PTGER3: variants seen among roughly 807,000 people sequenced by gnomAD.
PTGER3 encodes the protein prostaglandin E2 receptor EP3 subtype.
A neutral mutation model predicts 34.7 loss-of-function variants in PTGER3; 22 were observed. The observed-to-expected ratio is 0.63, with a 90% CI of 0.45 to 0.91. The LOEUF is 0.91. Among genes scored for constraint, PTGER3 ranks in the 40% least tolerant of loss-of-function variants. The pLI is 0.00. For missense variants in PTGER3, 468 were observed against 519.4 expected (o/e 0.90, Z 0.96); for synonymous variants, 241 against 230.1 (o/e 1.05, Z -0.43).
intron 2 of PTGER3, among the ~76,000 whole-genome samples, chr1:70,953,966 A>G (rs894806172): frequency 1.4e-4 from 21 of 152,102 alleles, no homozygotes; most frequent in Non-Finnish European, 1.0e-4. Context: ...ATCTGAAGAG[A>G]CTACAGAAAT....
chr1:71,001,995 C>T (rs573598145), intron 2 of PTGER3, among the ~76,000 whole-genome samples: 1 of 152,288 alleles, frequency 6.6e-6, no homozygotes, highest in African/African-American at 2.4e-5. Context: ...AAGCCTCATA[C>T]CTGTAATCCC....
chr1:70,975,019 A>G (rs1159781571), intron 2 of PTGER3, among the ~76,000 whole-genome samples: 1 of 152,144 alleles, frequency 6.6e-6, no homozygotes, highest in Non-Finnish European at 1.5e-5. Flanking sequence ...ACTTTCTTGG[A>G]GAACATCCTG....
intron 4 of PTGER3, among the ~76,000 whole-genome samples, chr1:70,886,975 C>T (rs1646511811): frequency 6.6e-6 from 1 of 152,118 alleles, no homozygotes; most frequent in Non-Finnish European, 1.5e-5. Context: ...TAAGTTGCAA[C>T]ATAGGGGATG....
intron 2 of PTGER3, chr1:71,010,112 G>A: frequency 4.1e-6 from 4 of 985,046 alleles, no homozygotes; most frequent in Non-Finnish European, 4.8e-6. Flanking sequence ...TTAATTTGCA[G>A]TTAAGAATAA....
At chr1:71,017,777 G>A (rs1658041695) in intron 1 of PTGER3, among the ~76,000 whole-genome samples, 1 of 152,056 alleles carries the variant, frequency 6.6e-6, no homozygotes. Context: ...AGCAGAACCT[G>A]TGCTTTTGAG....
rs539183975 is a variant in PTGER3, at chr1:70,871,322, C to G, written c.*24-18463G>C. On this transcript the variant is annotated intron_variant, in intron 4 of 4. Transcript: ENST00000370931. ...GATCTCATGAGAACTTGCTCACCAT[C>G]ATGAGGACACCACCAAGCCATGATG... 1.1e-3 allele frequency among the ~76,000 whole-genome samples: 168 copies of G among 152,266 alleles called. 1 individual carries two copies. The Middle Eastern group carries it at 0.024, about 22-fold the overall frequency.
At chr1:70,974,101 A>G (rs571045000) in intron 3 of PTGER3, among the ~76,000 whole-genome samples, 196 bp downstream of exon 3, 1 of 152,196 alleles carries the variant, frequency 6.6e-6, no homozygotes, top group East Asian at 1.9e-4. Context: ...GTTTCAAAAA[A>G]CTCTTGGTTG....
At chr1:70,866,234 G>C (rs921964007) in intron 4 of PTGER3, among the ~76,000 whole-genome samples, 6 of 152,178 alleles carry the variant, frequency 3.9e-5, no homozygotes, top group Non-Finnish European at 8.8e-5. Flanking sequence ...AGGAAACATT[G>C]AGTATCATTA....
intron 4 of PTGER3, among the ~76,000 whole-genome samples, chr1:70,872,184 T>G (rs1646177191): frequency 6.6e-6 from 1 of 152,242 alleles, no homozygotes; most frequent in South Asian, 2.1e-4. Context: ...TTGATCTGAA[T>G]GGGCACGGGC....
chr1:70,934,475 C>A (rs1339385719), intron 4 of PTGER3, among the ~76,000 whole-genome samples: 2 of 152,186 alleles, frequency 1.3e-5, no homozygotes, highest in Non-Finnish European at 2.9e-5. Context: ...TTATTTTAAT[C>A]TTCTATATCC....
At chr1:70,926,369 A>G (rs1019465510) in intron 4 of PTGER3, among the ~76,000 whole-genome samples, 2 of 152,126 alleles carry the variant, frequency 1.3e-5, no homozygotes, top group African/African-American at 4.8e-5. Context: ...GCAGTGGTTT[A>G]TAGTTCTCCT....
exon 4 of PTGER3, chr1:70,952,952 G>T (rs758250767): frequency 1.2e-6 from 2 of 1,613,026 alleles, no homozygotes; most frequent in South Asian, 1.1e-5. Context: ...CATTAATGCT[G>T]CTCACGAGTA....
intron 4 of PTGER3, among the ~76,000 whole-genome samples, chr1:70,882,851 C>G (rs957039344): frequency 3.3e-5 from 5 of 152,190 alleles, no homozygotes; most frequent in Non-Finnish European, 7.3e-5. Context: ...CTCTGTGTCC[C>G]CTGCTGCCTT....
At chr1:70,985,509 CTG>C (rs1228160473) in intron 2 of PTGER3, among the ~76,000 whole-genome samples, 1 of 152,136 alleles carries the variant, frequency 6.6e-6, no homozygotes, top group African/African-American at 2.4e-5. Flanking sequence ...AACTGACAAA[CTG>C]TGTATGCCAC....
intron 4 of PTGER3, among the ~76,000 whole-genome samples, chr1:70,910,818 C>G (rs1647043526): frequency 6.6e-6 from 1 of 152,176 alleles, no homozygotes; most frequent in African/African-American, 2.4e-5. Context: ...GGCCATGGCT[C>G]ACGCCTGTAA....
downstream of PTGER3, among the ~76,000 whole-genome samples, chr1:70,966,361 C>A (rs373763151): frequency 1.2e-3 from 177 of 152,004 alleles, 1 homozygote; most frequent in African/African-American, 4.2e-3. Flanking sequence ...CTCATGTAAC[C>A]AAATAACACT....
At chr1:70,928,332 G>T (rs1355731113) in intron 4 of PTGER3, among the ~76,000 whole-genome samples, 3 of 151,300 alleles carry the variant, frequency 2.0e-5, no homozygotes, top group Non-Finnish European at 4.4e-5. Flanking sequence ...AAGTGGGTTA[G>T]GGGGAAGAAA....
intron 4 of PTGER3, among the ~76,000 whole-genome samples, chr1:70,896,794 T>C (rs1261589639): frequency 6.6e-6 from 1 of 152,192 alleles, no homozygotes; most frequent in Admixed American, 6.5e-5. Context: ...TAGGCGTTAG[T>C]GTTCCTCCAG....
At chr1:70,895,832 T>C (rs918645918) in intron 4 of PTGER3, among the ~76,000 whole-genome samples, 12 of 152,182 alleles carry the variant, frequency 7.9e-5, no homozygotes, top group African/African-American at 2.2e-4. Context: ...GCTAAGGTGG[T>C]TGCAAAAGAG....
Sources: gnomAD v4.1 joint callset for allele counts (sites outside exome capture counted in the v4.1 genomes callset) on GRCh38, gnomAD v4.1.1 for gene constraint, MANE v1.5 for transcripts, NCBI Gene and HGNC (gene_info 2026-07-23, HGNC 2026-07-21) for gene names.